The following AEBP2 variants were observed in gnomAD, a reference collection of about 807,000 sequenced individuals.
AEBP2 encodes zinc finger protein AEBP2.
In AEBP2, 10 loss-of-function variants were observed where a neutral mutation model predicts 50.8. That is an observed-to-expected ratio of 0.20 (90% CI 0.12 to 0.33). The LOEUF is 0.33. Ranked by LOEUF, AEBP2 falls within the 10% of genes least tolerant of loss-of-function variation. AEBP2 has a pLI of 1.00. For synonymous variants in AEBP2, 296 were observed against 261.3 expected (o/e 1.13, Z -1.28); for missense variants, 570 against 688.0 (o/e 0.83, Z 1.92).
At chr12:19,488,809 T>C (rs540905837) in intron 3 of AEBP2, among the ~76,000 whole-genome samples, 29 of 152,156 alleles carry the variant, frequency 1.9e-4, no homozygotes, top group Admixed American at 8.5e-4. Context: ...TTTTTTTTTG[T>C]TATTTGAGAT....
intron 3 of AEBP2, among the ~76,000 whole-genome samples, chr12:19,490,019 TG>T (rs1376762317): frequency 8.6e-6 from 1 of 116,952 alleles, no homozygotes; most frequent in East Asian, 2.6e-4. Flanking sequence ...TTTTTTTGCA[TG>T]GGGGAGGTTA....
upstream of AEBP2, among the ~76,000 whole-genome samples, chr12:19,435,645 T>C (rs761087967): frequency 1.3e-5 from 2 of 152,222 alleles, no homozygotes; most frequent in African/African-American, 4.8e-5. Flanking sequence ...GAATAAATGT[T>C]GATGCTTTTC....
At chr12:19,462,466 A>T in intron 1 of AEBP2, 44 bp from the exon 2 acceptor site, 1 of 1,438,626 alleles carries the variant, frequency 7.0e-7, no homozygotes, top group Non-Finnish European at 9.6e-7. Flanking sequence ...TATTCATGTT[A>T]GTGAATTTCT....
At chr12:19,503,579 C>T (rs996639935) in intron 5 of AEBP2, among the ~76,000 whole-genome samples, 9 of 151,808 alleles carry the variant, frequency 5.9e-5, no homozygotes, top group African/African-American at 2.2e-4. Flanking sequence ...TCCTCTTTTC[C>T]TATTTGGATG....
chr12:19,455,115 T>G (rs867728701), intron 1 of AEBP2, among the ~76,000 whole-genome samples: 3 of 151,558 alleles, frequency 2.0e-5, no homozygotes, highest in Middle Eastern at 6.8e-3. Flanking sequence ...CACCTTAGCC[T>G]CCTGTGTAGC....
In AEBP2 at chr12:19,473,380, T is replaced by TTAATTAATTA. The variant is rs546038420; in HGVS notation, c.987+25_987+26insTAATTAATTA. 195 of 444,710 alleles carry TTAATTAATTA rather than the reference T, an allele frequency of 4.4e-4. 4 individuals carry two copies. In the African/African-American group the frequency reaches 6.2e-3, roughly 14 times the overall value. The allele number at this position is 444,710 out of a possible 1,614,324, so 27.5% of individuals were successfully genotyped here. A position where few individuals can be genotyped will look rare whatever the true frequency, so the allele number is the denominator to read the frequency against. On this transcript the variant is annotated intron_variant, in intron 3 of 7. Coordinates refer to ENST00000266508, the MANE Select transcript of AEBP2 (RefSeq NM_153207.5). ...GGTAAGGATGCATGTATATAAAATT[T>TTAATTAATTA]ATTTATTTATTTATTTATTTATTTA... is the stretch of plus-strand genomic sequence containing the variant.
intron 6 of AEBP2, among the ~76,000 whole-genome samples, 171 bp from the exon 7 acceptor site, chr12:19,514,500 C>T (rs1949289916): frequency 6.6e-6 from 1 of 152,200 alleles, no homozygotes; most frequent in Admixed American, 6.5e-5. Flanking sequence ...TTATCTGGGA[C>T]TCCAAGTCCT....
intron 3 of AEBP2, among the ~76,000 whole-genome samples, chr12:19,479,717 G>GTTTCTTTTTTTTTTTTTT (rs1948698002): frequency 4.5e-5 from 1 of 22,314 alleles, no homozygotes; most frequent in Non-Finnish European, 9.0e-5. Context: ...CTCTTTGTGG[G>GTTTCTTTTTTTTTTTTTT]TTTTTTTTTT....
At chr12:19,504,028 A>G (rs1054740834) in intron 5 of AEBP2, among the ~76,000 whole-genome samples, 1 of 151,566 alleles carries the variant, frequency 6.6e-6, no homozygotes. Context: ...AGGTCTCACC[A>G]TGTTGCCCAG....
At chr12:19,423,521 C>T (rs12230328) in intron 1 of AEBP2, among the ~76,000 whole-genome samples, 4,204 of 152,202 alleles carry the variant, frequency 0.028, 62 homozygotes, top group East Asian at 0.044. Context: ...TTGGAATAAT[C>T]TGGGCTAAGA....
At position 19,474,878 on chromosome 12, in the gene AEBP2, C is replaced by T. The variant is rs569350926; in HGVS notation, c.987+1523C>T. Reference sequence around the variant, plus strand: ...CATGATCTTGGCTCACTGCAACCTCCGCCTCTTGGGTTCCAGCGATTCTCC... The same window carrying T: ...CATGATCTTGGCTCACTGCAACCTCTGCCTCTTGGGTTCCAGCGATTCTCC... On this transcript the variant is annotated intron_variant, in intron 3 of 7. Transcript: ENST00000266508. 3.6e-4 allele frequency among the ~76,000 whole-genome samples: 55 copies of T among 152,150 alleles called. 1 individual carries two copies. The highest frequency in any genetic ancestry group is 1.7e-3 in the East Asian group (9 of 5,168).
At chr12:19,451,514 A>G (rs1276158220) in intron 1 of AEBP2, among the ~76,000 whole-genome samples, 1 of 152,166 alleles carries the variant, frequency 6.6e-6, no homozygotes, top group African/African-American at 2.4e-5. Context: ...AGAGCGAGCC[A>G]GGCTGAAACT....
chr12:19,442,755 G>A (rs1947984465), intron 1 of AEBP2, among the ~76,000 whole-genome samples: 1 of 152,150 alleles, frequency 6.6e-6, no homozygotes, highest in Non-Finnish European at 1.5e-5. Flanking sequence ...AGTGAAACTG[G>A]CTTGGGGTCT....
At chr12:19,462,012 A>G (rs564849504) in intron 1 of AEBP2, among the ~76,000 whole-genome samples, 3 of 152,260 alleles carry the variant, frequency 2.0e-5, no homozygotes, top group Admixed American at 6.5e-5. Context: ...AATTTCCCCA[A>G]TTCTTTGACA....
intron 5 of AEBP2, among the ~76,000 whole-genome samples, chr12:19,509,651 G>A (rs1949203388): frequency 6.6e-6 from 1 of 152,074 alleles, no homozygotes; most frequent in Admixed American, 6.6e-5. Flanking sequence ...GGAGGCCAAG[G>A]CGGGAAGAAT....
Position 19,518,144 on chromosome 12 carries a change from A to T in AEBP2, c.*27A>T, listed in dbSNP as rs1424623006. ...AAATAAATAAATACATAAAAAGCAA[A>T]CAAGCGGGGACACCTGCAGTCTTAG... On this transcript the variant is annotated 3_prime_UTR_variant, in exon 8 of 8. Coordinates refer to ENST00000266508, the MANE Select transcript of AEBP2 (RefSeq NM_153207.5). 1 of 1,584,616 alleles carries T rather than the reference A, an allele frequency of 6.3e-7. No individual in the cohort carries two copies. The highest frequency in any genetic ancestry group is 1.4e-5 in the African/African-American group (1 of 74,020).
At chr12:19,464,250 A>G (rs985778559) in intron 2 of AEBP2, among the ~76,000 whole-genome samples, 1 of 152,206 alleles carries the variant, frequency 6.6e-6, no homozygotes, top group African/African-American at 2.4e-5. Context: ...ACTTAGTGTG[A>G]AGTATCTTAG....
At chr12:19,419,668 C>A (rs933104055) in intron 1 of AEBP2, among the ~76,000 whole-genome samples, 4 of 150,686 alleles carry the variant, frequency 2.7e-5, no homozygotes, top group Admixed American at 2.6e-4. Context: ...GGCGGCTCAC[C>A]CCTGTAATCC....
At chr12:19,472,586 C>G (rs1327586404) in intron 2 of AEBP2, among the ~76,000 whole-genome samples, 1 of 152,032 alleles carries the variant, frequency 6.6e-6, no homozygotes, top group Non-Finnish European at 1.5e-5. Flanking sequence ...ATTTCGTATT[C>G]TATTTGTTTC....
Sources: allele counts gnomAD v4.1 joint callset (sites outside exome capture counted in the v4.1 genomes callset), GRCh38; gene constraint gnomAD v4.1.1; transcripts MANE v1.5; gene names NCBI Gene and HGNC (gene_info 2026-07-23, HGNC 2026-07-21).